The following CNTLN variants were observed in gnomAD, a reference collection of about 807,000 sequenced individuals.
CNTLN encodes centlein, also known as centlein, centrosomal protein.
In CNTLN, 212 loss-of-function variants were observed where a neutral mutation model predicts 180.0. The observed-to-expected ratio is 1.18, with a 90% CI of 1.05 to 1.32. CNTLN has a LOEUF of 1.32. CNTLN is among the 40% of genes most tolerant of loss of function. CNTLN has a pLI of 0.00. For synonymous variants in CNTLN, 722 were observed against 563.1 expected (o/e 1.28, Z -3.99); for missense variants, 2,095 against 1,610.9 (o/e 1.30, Z -5.14).
chr9:17,279,913 C>A (rs1012953486), intron 6 of CNTLN, among the ~76,000 whole-genome samples: 1 of 152,038 alleles, frequency 6.6e-6, no homozygotes, highest in Non-Finnish European at 1.5e-5. Flanking sequence ...TATGGGAATG[C>A]GACTGTTGGC....
intron 18 of CNTLN, among the ~76,000 whole-genome samples, chr9:17,439,741 T>C (rs1414970422): frequency 1.3e-5 from 2 of 152,180 alleles, no homozygotes; most frequent in Non-Finnish European, 2.9e-5. Flanking sequence ...CCTTTGAGAA[T>C]TAGTTAGGGT....
chr9:17,361,863 AG>A (rs2133392916), intron 12 of CNTLN, among the ~76,000 whole-genome samples: 1 of 152,316 alleles, frequency 6.6e-6, no homozygotes, highest in East Asian at 1.9e-4. Flanking sequence ...TTGTCCAGTA[AG>A]AAATAGATTT....
intron 2 of CNTLN, among the ~76,000 whole-genome samples, chr9:17,223,758 A>G (rs921661482): frequency 1.3e-5 from 2 of 151,878 alleles, no homozygotes; most frequent in African/African-American, 4.8e-5. Context: ...GTTATATGTT[A>G]TTTCTCTGCT....
At chr9:17,151,905 A>G (rs113899251) in intron 2 of CNTLN, among the ~76,000 whole-genome samples, 3,268 of 152,276 alleles carry the variant, frequency 0.021, 80 homozygotes, top group African/African-American at 0.059. Context: ...GTATGTGTCC[A>G]GGAATTTATC....
chr9:17,143,568 C>G (rs916502109), intron 2 of CNTLN, among the ~76,000 whole-genome samples, 192 bp downstream of exon 2: 5 of 152,136 alleles, frequency 3.3e-5, no homozygotes, highest in Admixed American at 2.0e-4. Flanking sequence ...ATGCCCTGTT[C>G]CTGTTCATAT....
chr9:17,173,166 A>C lies in CNTLN; in HGVS notation c.449+29790A>C, dbSNP rs557565187. Among the ~76,000 whole-genome samples the C allele has an allele frequency of 1.2e-3, 187 of 152,294 alleles. 4 individuals are homozygous for C. The South Asian group carries it at 0.037, about 30-fold the overall frequency. The stretch of plus-strand genomic sequence containing the variant: ...TACTACCTAAACATTATGAGTATGA[A>C]GTTATAGCTATAATGCTGAATAATA... On this transcript the variant is annotated intron_variant, in intron 2 of 25. Coordinates refer to ENST00000380647, the MANE Select transcript of CNTLN (RefSeq NM_017738.4).
intron 16 of CNTLN, among the ~76,000 whole-genome samples, chr9:17,414,303 G>A (rs1406136952): frequency 1.3e-5 from 2 of 152,118 alleles, no homozygotes; most frequent in Non-Finnish European, 2.9e-5. Context: ...CACTTTAAGT[G>A]TGTTTGTTTC....
At position 17,144,841 on chromosome 9, in the gene CNTLN, A is replaced by AT. The variant is rs999968669; in HGVS notation, c.449+1476dup. 5.7e-4 allele frequency among the ~76,000 whole-genome samples: 83 copies of AT among 146,566 alleles called. 1 individual carries two copies. Among genetic ancestry groups the AT allele is most frequent in the Admixed American group, 1.0e-3 (15 of 14,726 alleles). On this transcript the variant is annotated intron_variant, in intron 2 of 25. Transcript: ENST00000380647. ...TATTTTATTTTATTTTTTTTATTTT[A>AT]TTTTTTTTTTTGAGACGGAGTCTCG... is the stretch of plus-strand genomic sequence containing the variant.
chr9:17,311,454 T>G (rs1460000418), intron 8 of CNTLN, among the ~76,000 whole-genome samples: 1 of 150,824 alleles, frequency 6.6e-6, no homozygotes, highest in East Asian at 1.9e-4. Context: ...TTTTTCTGTT[T>G]TTTTTTTTTT....
chr9:17,299,572 T>G (rs182725372), intron 7 of CNTLN: 1 of 985,404 alleles, frequency 1.0e-6, no homozygotes, highest in Non-Finnish European at 1.2e-6. Flanking sequence ...GTGTGTTTTG[T>G]GTTGCCTTTG....
chr9:17,253,721 G>A (rs1826293870), intron 5 of CNTLN, among the ~76,000 whole-genome samples: 1 of 149,032 alleles, frequency 6.7e-6, no homozygotes, highest in South Asian at 2.1e-4. Context: ...AAGAGGGACA[G>A]TTTGACTTTC....
At chr9:17,146,164 T>C (rs934646458) in intron 2 of CNTLN, among the ~76,000 whole-genome samples, 1 of 152,188 alleles carries the variant, frequency 6.6e-6, no homozygotes, top group Non-Finnish European at 1.5e-5. Flanking sequence ...GGCCTTTCCA[T>C]TTCAAAACCT....
intron 23 of CNTLN, among the ~76,000 whole-genome samples, chr9:17,479,124 A>T (rs569932501): frequency 3.8e-4 from 58 of 152,304 alleles, no homozygotes; most frequent in African/African-American, 1.3e-3. Flanking sequence ...TGCTATGGAA[A>T]ACAGTGTGGA....
intron 18 of CNTLN, among the ~76,000 whole-genome samples, chr9:17,425,056 C>G (rs1474751115): frequency 5.3e-5 from 8 of 152,120 alleles, no homozygotes; most frequent in Non-Finnish European, 2.9e-5. Context: ...GAAATAATAT[C>G]TATATTTAGC....
At chr9:17,380,562 C>A (rs754928232) in intron 13 of CNTLN, among the ~76,000 whole-genome samples, 1 of 152,178 alleles carries the variant, frequency 6.6e-6, no homozygotes, top group African/African-American at 2.4e-5. Flanking sequence ...GGGAGGGCAG[C>A]TTTCCCCCAT....
At chr9:17,264,362 AGCG>A (rs1563934713) in intron 5 of CNTLN, among the ~76,000 whole-genome samples, 3 of 149,274 alleles carry the variant, frequency 2.0e-5, no homozygotes, top group African/African-American at 7.5e-5. Flanking sequence ...GTAGATATGC[AGCG>A]TTATTTCTGA....
At chr9:17,382,391 G>C (rs1285012299) in intron 13 of CNTLN, among the ~76,000 whole-genome samples, 2 of 152,128 alleles carry the variant, frequency 1.3e-5, no homozygotes, top group Non-Finnish European at 2.9e-5. Context: ...CTTCGGAAAT[G>C]GTCATCCTAC....
At chr9:17,431,679 C>T (rs1380700836) in intron 18 of CNTLN, among the ~76,000 whole-genome samples, 1 of 151,994 alleles carries the variant, frequency 6.6e-6, no homozygotes, top group African/African-American at 2.4e-5. Flanking sequence ...TTGTGGGTTT[C>T]GTATTAAAGA....
chr9:17,291,458 C>G lies in CNTLN; in HGVS notation c.984-6732C>G, dbSNP rs187190770. ...GGAGTCTAAGTGTCTTTGTAGGTCT[C>G]TAAGAACTTGTTTTATGAATCTGGG... On this transcript the variant is annotated intron_variant, in intron 6 of 25. Transcript: ENST00000380647. 2.6e-3 allele frequency among the ~76,000 whole-genome samples: 392 copies of G among 152,198 alleles called. 6 individuals are homozygous for G. Among genetic ancestry groups the G allele is most frequent in the Admixed American group, 0.024 (364 of 15,282 alleles).
Sources: gnomAD v4.1 joint callset for allele counts (sites outside exome capture counted in the v4.1 genomes callset) on GRCh38, gnomAD v4.1.1 for gene constraint, MANE v1.5 for transcripts, NCBI Gene and HGNC (gene_info 2026-07-23, HGNC 2026-07-21) for gene names.